Variants in SYNE2 observed in about 807,000 individuals in gnomAD.
SYNE2 encodes the protein spectrin repeat containing nuclear envelope protein 2.
Under a neutral mutation model 856.3 loss-of-function variants are expected in SYNE2, and 431 were observed. The ratio of observed to expected loss-of-function variants is 0.50; its 90% CI spans 0.47 to 0.55. The LOEUF (loss-of-function observed/expected upper bound fraction) is 0.55. SYNE2 is among the 20% of genes least tolerant of loss of function. The pLI, the probability that SYNE2 is intolerant of heterozygous loss-of-function variation, is 0.00. For synonymous variants in SYNE2, 2,923 were observed against 2,872.3 expected (o/e 1.02, Z -0.56); for missense variants, 8,129 against 8,023.2 (o/e 1.01, Z -0.50).
intron 2 of SYNE2, among the ~76,000 whole-genome samples, chr14:63,925,521 G>A (rs1051036180): frequency 6.6e-6 from 1 of 152,144 alleles, no homozygotes; most frequent in East Asian, 1.9e-4. Context: ...GTTATACTCT[G>A]TAAGTTATTT....
chr14:63,875,738 T>C (rs1250022119), intron 1 of SYNE2, among the ~76,000 whole-genome samples: 1 of 152,192 alleles, frequency 6.6e-6, no homozygotes, highest in Non-Finnish European at 1.5e-5. Context: ...AAATAAAATG[T>C]TTGAAATGCC....
At chr14:64,082,662 G>T (rs748843133) in intron 57 of SYNE2, among the ~76,000 whole-genome samples, 8 of 152,174 alleles carry the variant, frequency 5.3e-5, no homozygotes, top group Non-Finnish European at 1.2e-4. Context: ...GCATCCTTGT[G>T]GCTCCCTGTA....
At chr14:63,815,284 C>T (rs1363446871) in intron 1 of SYNE2, among the ~76,000 whole-genome samples, 1 of 87,988 alleles carries the variant, frequency 1.1e-5, no homozygotes, top group Non-Finnish European at 2.6e-5. Context: ...GTGTATTAAA[C>T]TCACAGGATC....
intron 1 of SYNE2, among the ~76,000 whole-genome samples, chr14:63,885,204 G>A (rs188034684): frequency 1.8e-3 from 271 of 152,268 alleles, no homozygotes; most frequent in Middle Eastern, 0.017. Context: ...AACTCTGAGA[G>A]CCATGTTACC....
intron 65 of SYNE2, among the ~76,000 whole-genome samples, chr14:64,112,263 G>T (rs1227941289): frequency 1.3e-5 from 2 of 152,196 alleles, no homozygotes; most frequent in Non-Finnish European, 2.9e-5. Context: ...TTGTCACTTG[G>T]CTAGAATTAC....
In SYNE2 at chr14:64,087,370, G is replaced by A. The variant is rs77860632; in HGVS notation, c.11485-301G>A. 19,170 of 551,250 alleles carry A rather than the reference G, an allele frequency of 0.035. 464 individuals are homozygous for A. The highest frequency in any genetic ancestry group is 0.074 in the Admixed American group (3,441 of 46,464). The allele number at this position is 551,250 out of a possible 1,614,324, so 34.1% of individuals were successfully genotyped here. A position where few individuals can be genotyped will look rare whatever the true frequency, so the allele number is the denominator to read the frequency against. The stretch of plus-strand genomic sequence containing the variant: ...TTGAAAGTTATTACATGTATGAAAG[G>A]GCTTATTATGTATAATAAAAGACAC... On this transcript the variant is annotated intron_variant, in intron 57 of 115. Coordinates refer to ENST00000555002, the MANE Select transcript of SYNE2 (RefSeq NM_182914.3).
At chr14:64,022,647 C>T (rs960233402) in intron 37 of SYNE2, 104 bp from the exon 38 acceptor site, 12 of 730,408 alleles carry the variant, frequency 1.6e-5, no homozygotes, top group African/African-American at 5.2e-5. Flanking sequence ...ACTTTCACAA[C>T]GATGTATATC....
In SYNE2 at chr14:64,022,793, T is replaced by G; in HGVS notation, c.5567T>G (p.Val1856Gly). 1 of 1,611,752 alleles carries G rather than the reference T, an allele frequency of 6.2e-7. No individual in the cohort carries two copies. Among genetic ancestry groups the G allele is most frequent in the Non-Finnish European group, 8.5e-7 (1 of 1,178,352 alleles). ...AATGACTGGTTCAGCAACATTAAAG[T>G]GAACCTTAAGGAGTGTTTTGAATCA... ...NFNDWFSNIKVNLKECFESSE... is the reference protein window; with the variant it reads ...NFNDWFSNIKGNLKECFESSE... The change falls in exon 38 of 116, where the codon GTG (valine) becomes GGG (glycine). Residue 1856 changes from valine to glycine, a missense_variant. This residue lies in a region of SYNE2 where 2,422 missense variants were observed against 2,357.4 expected (regional missense o/e 1.03). Transcript: ENST00000555002.
rs1044987622 is a variant in SYNE2, at chr14:64,135,369, T to C, written c.14646+1169T>C. The stretch of plus-strand genomic sequence containing the variant: ...GGTATTTTAACCTCTATAAGGAACA[T>C]TTTCCAGAGGCTGGGACACTGTATT... On this transcript the variant is annotated intron_variant, in intron 78 of 115. Coordinates refer to ENST00000555002, the MANE Select transcript of SYNE2 (RefSeq NM_182914.3). Among the ~76,000 whole-genome samples, 8 of 152,154 alleles carry C rather than the reference T, an allele frequency of 5.3e-5. No homozygotes were observed. In the South Asian group the frequency reaches 1.0e-3, roughly 20 times the overall value.
At chr14:64,051,487 A>G (rs2153575913) in intron 47 of SYNE2, 70 bp from the exon 48 acceptor site, 1 of 1,385,620 alleles carries the variant, frequency 7.2e-7, no homozygotes, top group Non-Finnish European at 9.8e-7. Context: ...TCTTCTAATG[A>G]TATTTATCCA....
intron 1 of SYNE2, among the ~76,000 whole-genome samples, chr14:63,908,598 A>G (rs1045530795): frequency 3.3e-5 from 5 of 152,228 alleles, no homozygotes; most frequent in Non-Finnish European, 7.3e-5. Context: ...TTTTTGATAT[A>G]TTAGATTTTT....
rs368309726 is a variant in SYNE2, at chr14:64,118,989, T to C, written c.12841-438T>C. ...ATTCATTCACTCCTGATAATGACCT[T>C]AGGAGGTGAGTTCGGTTATTATCTT... On this transcript the variant is annotated intron_variant, in intron 66 of 115. Coordinates refer to ENST00000555002, the MANE Select transcript of SYNE2 (RefSeq NM_182914.3). Among the ~76,000 whole-genome samples, 6 of 152,244 alleles carry C rather than the reference T, an allele frequency of 3.9e-5. No individual in the cohort carries two copies. In the East Asian group the frequency reaches 1.2e-3, roughly 29 times the overall value.
At chr14:63,818,749 A>G (rs1283150703) in intron 1 of SYNE2, among the ~76,000 whole-genome samples, 2 of 140,482 alleles carry the variant, frequency 1.4e-5, no homozygotes, top group African/African-American at 5.3e-5. Flanking sequence ...CCCAGGCTGG[A>G]GTGCAGTGGC....
intron 31 of SYNE2, among the ~76,000 whole-genome samples, chr14:64,008,080 C>T (rs751938941): frequency 1.3e-5 from 2 of 152,210 alleles, no homozygotes; most frequent in Non-Finnish European, 2.9e-5. Context: ...TTCTAGAGGC[C>T]TCCTGCTACA....
At chr14:64,103,786 A>G (rs2097753915) in intron 64 of SYNE2, among the ~76,000 whole-genome samples, 1 of 152,114 alleles carries the variant, frequency 6.6e-6, no homozygotes, top group South Asian at 2.1e-4. Context: ...CATCTTCAGT[A>G]GCTCCACAGA....
At position 63,881,709 on chromosome 14, in the gene SYNE2, T is replaced by C. The variant is rs117920934; in HGVS notation, c.-51-27389T>C. Among the ~76,000 whole-genome samples, 246 of 152,098 alleles carry C rather than the reference T, an allele frequency of 1.6e-3. 2 individuals are homozygous for C. The highest frequency in any genetic ancestry group is 1.0e-3 in the Non-Finnish European group (68 of 68,000). On this transcript the variant is annotated intron_variant, in intron 1 of 115. Coordinates refer to ENST00000555002, the MANE Select transcript of SYNE2 (RefSeq NM_182914.3). ...ATCTGCCACATCAGGAATCTGTTGCTTCATTTCATGCGGATGTCAGTGGAT... is the reference window on the plus strand; with the variant it reads ...ATCTGCCACATCAGGAATCTGTTGCCTCATTTCATGCGGATGTCAGTGGAT...
intron 1 of SYNE2, among the ~76,000 whole-genome samples, chr14:63,833,923 C>T (rs1221403655): frequency 6.6e-6 from 1 of 151,798 alleles, no homozygotes; most frequent in Non-Finnish European, 1.5e-5. Flanking sequence ...CATGTGTCCC[C>T]CCTAGTGGTA....
intron 13 of SYNE2, 143 bp downstream of exon 13, chr14:63,978,160 T>A (rs2096558934): frequency 5.8e-6 from 4 of 691,752 alleles, no homozygotes; most frequent in Non-Finnish European, 1.1e-5. Flanking sequence ...ATCTTCACGT[T>A]TTATGTAGTA....
At chr14:64,221,339 T>A (rs1450695262) in intron 111 of SYNE2, among the ~76,000 whole-genome samples, 1 of 152,224 alleles carries the variant, frequency 6.6e-6, no homozygotes, top group Non-Finnish European at 1.5e-5. Flanking sequence ...CCCAAAGCCC[T>A]ACCTTCATAG....
Sources: gnomAD v4.1 joint callset for allele counts (sites outside exome capture counted in the v4.1 genomes callset) on GRCh38, gnomAD v4.1.1 for gene constraint, gnomAD v4.1.1 regional missense constraint, MANE v1.5 for transcripts, NCBI Gene and HGNC (gene_info 2026-07-23, HGNC 2026-07-21) for gene names.